Variants in FAM193A observed in about 807,000 individuals in gnomAD.
FAM193A encodes the protein protein FAM193A.
FAM193A carries 22 observed loss-of-function variants against 126.5 expected under a neutral mutation model. That is an observed-to-expected ratio of 0.17 (90% CI 0.12 to 0.25). FAM193A has a LOEUF of 0.25. Among genes scored for constraint, FAM193A ranks in the 10% least tolerant of loss-of-function variants. The pLI, the probability that FAM193A is intolerant of heterozygous loss-of-function variation, is 1.00. For synonymous variants in FAM193A, 761 were observed against 646.8 expected (o/e 1.18, Z -2.68); for missense variants, 1,675 against 1,672.8 (o/e 1.00, Z -0.02).
At chr4:2,674,046 G>A (rs995543149) in intron 13 of FAM193A, among the ~76,000 whole-genome samples, 5 of 152,174 alleles carry the variant, frequency 3.3e-5, no homozygotes, top group African/African-American at 1.2e-4. Context: ...TACGGTAGAG[G>A]TATAGAAACT....
At chr4:2,642,635 TAAA>T (rs3831502) in intron 6 of FAM193A, among the ~76,000 whole-genome samples, 1 of 151,028 alleles carries the variant, frequency 6.6e-6, no homozygotes, top group African/African-American at 2.4e-5. Flanking sequence ...GAATCTACCT[TAAA>T]AAAAAATATT....
At chr4:2,545,471 A>G (rs1344425177) in intron 1 of FAM193A, among the ~76,000 whole-genome samples, 2 of 150,888 alleles carry the variant, frequency 1.3e-5, no homozygotes, top group East Asian at 3.9e-4. Flanking sequence ...GGACATTTGG[A>G]TTGTTTTATG....
chr4:2,581,902 C>T (rs1014524377), intron 1 of FAM193A, among the ~76,000 whole-genome samples: 2 of 152,158 alleles, frequency 1.3e-5, no homozygotes, highest in African/African-American at 4.8e-5. Flanking sequence ...ATCTGCCTGC[C>T]TCGGCCTCCC....
At chr4:2,553,595 G>A (rs1738078825) in intron 1 of FAM193A, among the ~76,000 whole-genome samples, 2 of 151,870 alleles carry the variant, frequency 1.3e-5, no homozygotes, top group South Asian at 4.2e-4. Context: ...TGGCCAGGTT[G>A]GTCTCCATCT....
intron 1 of FAM193A, among the ~76,000 whole-genome samples, chr4:2,546,655 T>G (rs1372498488): frequency 1.3e-5 from 2 of 152,200 alleles, no homozygotes; most frequent in African/African-American, 4.8e-5. Flanking sequence ...TGTACCACAG[T>G]TTGTCCATTT....
intron 16 of FAM193A, 102 bp downstream of exon 16, chr4:2,693,976 A>G (rs1412892123): frequency 4.8e-6 from 6 of 1,254,492 alleles, no homozygotes; most frequent in South Asian, 2.8e-5. Flanking sequence ...TGCAGTGGAA[A>G]AGTCTAGTGA....
intron 20 of FAM193A, among the ~76,000 whole-genome samples, chr4:2,723,295 T>C (rs1720364607): frequency 6.8e-6 from 1 of 146,148 alleles, no homozygotes; most frequent in Admixed American, 6.9e-5. Flanking sequence ...CAGTATCCTT[T>C]AGGCCAGGCA....
At chr4:2,599,335 C>A (rs1363975511) in intron 2 of FAM193A, among the ~76,000 whole-genome samples, 1 of 151,950 alleles carries the variant, frequency 6.6e-6, no homozygotes, top group Non-Finnish European at 1.5e-5. Flanking sequence ...TTGTGTAGTT[C>A]CCTCCGGCAG....
intron 1 of FAM193A, among the ~76,000 whole-genome samples, chr4:2,555,903 A>G (rs547765944): frequency 1.4e-5 from 2 of 144,916 alleles, no homozygotes; most frequent in African/African-American, 2.6e-5. Context: ...AGCGTGAGAG[A>G]CACTGTTTTT....
In FAM193A at chr4:2,731,943, G is replaced by T; in HGVS notation, c.*75G>T. On this transcript the variant is annotated 3_prime_UTR_variant, in exon 21 of 21. Transcript: ENST00000637812. ...ACCCCAAGAGCCACGCCCCTCGCTGGCGCCCCAGAGCCGTGGTGCTTGCCA... is the reference window on the plus strand; with the variant it reads ...ACCCCAAGAGCCACGCCCCTCGCTGTCGCCCCAGAGCCGTGGTGCTTGCCA... 1 of 1,133,978 alleles carries T rather than the reference G, an allele frequency of 8.8e-7. No homozygotes were observed. The allele number at this position is 1,133,978 out of a possible 1,614,324, so 70.2% of individuals were successfully genotyped here.
intron 2 of FAM193A, among the ~76,000 whole-genome samples, chr4:2,613,378 C>CTTTTT (rs552205895): frequency 8.3e-6 from 1 of 120,776 alleles, no homozygotes; most frequent in Non-Finnish European, 1.8e-5. Flanking sequence ...AGAAATTCAG[C>CTTTTT]TTTTTTTTTT....
chr4:2,641,406 C>G (rs1370059059), intron 6 of FAM193A, among the ~76,000 whole-genome samples: 1 of 151,958 alleles, frequency 6.6e-6, no homozygotes, highest in Non-Finnish European at 1.5e-5. Context: ...CACCTGTAAT[C>G]CCAGCACTTT....
At chr4:2,598,395 A>G (rs1292899376) in intron 2 of FAM193A, among the ~76,000 whole-genome samples, 3 of 152,172 alleles carry the variant, frequency 2.0e-5, no homozygotes, top group Admixed American at 6.5e-5. Context: ...CGTTTGGGCT[A>G]TTTTGAAAAA....
intron 6 of FAM193A, among the ~76,000 whole-genome samples, chr4:2,640,686 G>A (rs1744525651): frequency 6.6e-6 from 1 of 152,138 alleles, no homozygotes; most frequent in Admixed American, 6.5e-5. Context: ...CTATACTTAG[G>A]GGTGTGGTGG....
At chr4:2,548,071 AT>A (rs35770924) in intron 1 of FAM193A, among the ~76,000 whole-genome samples, 74,206 of 127,676 alleles carry the variant, frequency 0.58, 21,709 homozygotes, top group Admixed American at 0.72. Context: ...GACTTTGCCT[AT>A]TTTTTTTTTT....
chr4:2,544,315 T>A (rs190510688), intron 1 of FAM193A, among the ~76,000 whole-genome samples: 1 of 152,248 alleles, frequency 6.6e-6, no homozygotes, highest in East Asian at 1.9e-4. Context: ...ATCCCAGCAC[T>A]TTGGAAGGCC....
intron 1 of FAM193A, among the ~76,000 whole-genome samples, chr4:2,593,010 G>A (rs1224322944): frequency 6.6e-6 from 1 of 152,214 alleles, no homozygotes; most frequent in Admixed American, 6.5e-5. Context: ...GAGGAAAGGC[G>A]TTCTGATGCT....
At chr4:2,583,103 C>T (rs1740045558) in intron 1 of FAM193A, among the ~76,000 whole-genome samples, 1 of 152,140 alleles carries the variant, frequency 6.6e-6, no homozygotes, top group Admixed American at 6.6e-5. Context: ...AAAGTAGCTG[C>T]AGGCACCTGC....
Position 2,662,949 on chromosome 4 carries a change from C to A in FAM193A, c.1857C>A (p.Ser619Arg), listed in dbSNP as rs61731409. 1 of 1,613,346 alleles carries A rather than the reference C, an allele frequency of 6.2e-7. No individual in the cohort carries two copies. The highest frequency in any genetic ancestry group is 1.1e-5 in the South Asian group (1 of 91,052). The change falls in exon 11 of 21, where the codon AGC becomes AGA. Residue 619 changes from serine to arginine, a missense_variant. By Grantham distance (110) the Ser-to-Arg change is moderately radical. Transcript: ENST00000637812. ...EVVANMNGIH[S>R]ELNGGGENMA... ...TGGCCAACATGAATGGAATCCACAGCGAATTGAATGGTGGCGGGGAAAACA... is the reference window on the plus strand; with the variant it reads ...TGGCCAACATGAATGGAATCCACAGAGAATTGAATGGTGGCGGGGAAAACA...
Sources: gnomAD v4.1 joint callset for allele counts (sites outside exome capture counted in the v4.1 genomes callset) on GRCh38, gnomAD v4.1.1 for gene constraint, MANE v1.5 for transcripts, NCBI Gene and HGNC (gene_info 2026-07-23, HGNC 2026-07-21) for gene names.